TMEM108: variants seen among roughly 807,000 people sequenced by gnomAD.
TMEM108 encodes the protein transmembrane protein 108.
In TMEM108, 12 loss-of-function variants were observed where a neutral mutation model predicts 35.1. That is an observed-to-expected ratio of 0.34 (90% CI 0.22 to 0.55). The LOEUF (loss-of-function observed/expected upper bound fraction) is 0.55, where lower values mean the gene tolerates loss of function less well. TMEM108 is among the 20% of genes least tolerant of loss of function. The pLI is 0.89. For missense variants in TMEM108, 680 were observed against 753.3 expected (o/e 0.90, Z 1.14); for synonymous variants, 287 against 308.6 (o/e 0.93, Z 0.73).
intron 2 of TMEM108, among the ~76,000 whole-genome samples, chr3:133,199,435 TTGA>T (rs1945627666): frequency 6.6e-6 from 1 of 152,192 alleles, no homozygotes; most frequent in Admixed American, 6.5e-5. Context: ...CCTTTGGTCT[TTGA>T]TGATGGTGAC....
chr3:133,393,738 G>A (rs941861718), intron 5 of TMEM108, among the ~76,000 whole-genome samples: 1 of 152,182 alleles, frequency 6.6e-6, no homozygotes, highest in Admixed American at 6.5e-5. Flanking sequence ...GTGAACCCCT[G>A]AACTTTAAAT....
At chr3:133,288,268 A>T (rs1355776) in intron 3 of TMEM108, among the ~76,000 whole-genome samples, 46,443 of 152,084 alleles carry the variant, frequency 0.31, 7,855 homozygotes, top group East Asian at 0.47. Context: ...GATAAGCAGC[A>T]TTCTGATGCA....
At chr3:133,040,638 A>G (rs570581459) in intron 1 of TMEM108, among the ~76,000 whole-genome samples, 1 of 152,284 alleles carries the variant, frequency 6.6e-6, no homozygotes, top group Admixed American at 6.5e-5. Flanking sequence ...AAGGGTATGC[A>G]TTGTTTGTTT....
At chr3:133,150,733 C>A (rs1380383135) in intron 2 of TMEM108, among the ~76,000 whole-genome samples, 1 of 152,108 alleles carries the variant, frequency 6.6e-6, no homozygotes, top group East Asian at 1.9e-4. Context: ...AGTTTCTAAA[C>A]TGAGGTGAGA....
At chr3:133,153,827 G>A (rs1944836324) in intron 2 of TMEM108, among the ~76,000 whole-genome samples, 1 of 152,128 alleles carries the variant, frequency 6.6e-6, no homozygotes, top group Admixed American at 6.6e-5. Flanking sequence ...TAGTAAGAAT[G>A]ATGTGTTGTC....
At chr3:133,198,954 A>G (rs1945620010) in intron 2 of TMEM108, among the ~76,000 whole-genome samples, 3 of 151,998 alleles carry the variant, frequency 2.0e-5, no homozygotes, top group Admixed American at 2.0e-4. Flanking sequence ...TGGTCTTTTC[A>G]CATACTCCCA....
At chr3:133,039,009 G>A (rs1943241320) in intron 1 of TMEM108, among the ~76,000 whole-genome samples, 1 of 152,226 alleles carries the variant, frequency 6.6e-6, no homozygotes, top group Non-Finnish European at 1.5e-5. Context: ...TCTGCCGGCT[G>A]GACCTGGCGG....
intron 2 of TMEM108, among the ~76,000 whole-genome samples, chr3:133,121,184 T>C (rs1026375961): frequency 6.6e-6 from 1 of 152,210 alleles, no homozygotes; most frequent in Non-Finnish European, 1.5e-5. Flanking sequence ...CTTTTGCTGG[T>C]CTGGCCAGTA....
In TMEM108 at chr3:133,187,191, C is replaced by T. The variant is rs758242941; in HGVS notation, c.-46-42075C>T. 6.6e-5 allele frequency among the ~76,000 whole-genome samples: 10 copies of T among 152,288 alleles called. No individual in the cohort carries two copies. The Middle Eastern group carries it at 0.01, about 155-fold the overall frequency. On this transcript the variant is annotated intron_variant, in intron 2 of 5. Coordinates refer to ENST00000321871, the MANE Select transcript of TMEM108 (RefSeq NM_023943.4). ...AATAATATGATTCACATATGCAGAACTGTTTTCTTAACTTTTATCTTATAT... is the reference window on the plus strand; with the variant it reads ...AATAATATGATTCACATATGCAGAATTGTTTTCTTAACTTTTATCTTATAT...
intron 3 of TMEM108, among the ~76,000 whole-genome samples, chr3:133,301,930 A>G (rs1303493946): frequency 6.6e-6 from 1 of 152,132 alleles, no homozygotes; most frequent in Non-Finnish European, 1.5e-5. Flanking sequence ...CCCAACTCCC[A>G]TGGAGACAGG....
At chr3:133,293,186 T>C (rs143266194) in intron 3 of TMEM108, among the ~76,000 whole-genome samples, 1 of 152,120 alleles carries the variant, frequency 6.6e-6, no homozygotes, top group East Asian at 1.9e-4. Flanking sequence ...ATTTAAACCA[T>C]CTGCCATTCA....
intron 3 of TMEM108, among the ~76,000 whole-genome samples, chr3:133,348,284 G>A (rs568941217): frequency 3.9e-5 from 6 of 152,186 alleles, no homozygotes; most frequent in East Asian, 1.9e-4. Context: ...TATAATAAAG[G>A]TAGCAGTTCA....
At chr3:133,091,371 G>A (rs1422975888) in intron 2 of TMEM108, among the ~76,000 whole-genome samples, 1 of 152,134 alleles carries the variant, frequency 6.6e-6, no homozygotes, top group Non-Finnish European at 1.5e-5. Context: ...CCACAAACCA[G>A]GCCAAGGGAC....
At chr3:133,301,608 T>C (rs1947226255) in intron 3 of TMEM108, among the ~76,000 whole-genome samples, 1 of 152,188 alleles carries the variant, frequency 6.6e-6, no homozygotes, top group Non-Finnish European at 1.5e-5. Flanking sequence ...TTTGGGGGAT[T>C]CTTAACAATG....
At chr3:133,206,104 C>A (rs1226153222) in intron 2 of TMEM108, among the ~76,000 whole-genome samples, 1 of 152,154 alleles carries the variant, frequency 6.6e-6, no homozygotes, top group Non-Finnish European at 1.5e-5. Context: ...ATTGATACTT[C>A]TGTATGCATC....
intron 2 of TMEM108, among the ~76,000 whole-genome samples, chr3:133,061,378 AT>A (rs991238028): frequency 1.3e-5 from 2 of 151,614 alleles, no homozygotes; most frequent in South Asian, 4.2e-4. Flanking sequence ...ACCCAGCTAA[AT>A]TTTTTTTGTA....
intron 2 of TMEM108, among the ~76,000 whole-genome samples, chr3:133,070,777 G>A (rs1263227466): frequency 6.6e-6 from 1 of 151,572 alleles, no homozygotes; most frequent in Non-Finnish European, 1.5e-5. Context: ...GTGTGTATCT[G>A]TGTGTGTTTG....
intron 3 of TMEM108, among the ~76,000 whole-genome samples, chr3:133,298,718 G>T (rs1947178851): frequency 6.6e-6 from 1 of 152,152 alleles, no homozygotes. Flanking sequence ...AAGGCTGAGA[G>T]GTTAGGCTAC....
chr3:133,243,029 G>C (rs188375387), intron 3 of TMEM108, among the ~76,000 whole-genome samples: 1 of 152,228 alleles, frequency 6.6e-6, no homozygotes, highest in African/African-American at 2.4e-5. Context: ...ACCCAGGGAA[G>C]CAATATTGTG....
Sources: gnomAD v4.1 joint callset for allele counts (sites outside exome capture counted in the v4.1 genomes callset) on GRCh38, gnomAD v4.1.1 for gene constraint, MANE v1.5 for transcripts, NCBI Gene and HGNC (gene_info 2026-07-23, HGNC 2026-07-21) for gene names.